The following COX7B2 variants were observed in gnomAD, a reference collection of about 807,000 sequenced individuals.
The protein encoded by COX7B2 is cytochrome c oxidase subunit 7B2, mitochondrial.
For missense variants in COX7B2, 109 were observed against 95.9 expected (o/e 1.14, Z -0.57); for synonymous variants, 37 against 32.1 (o/e 1.15, Z -0.51).
At chr4:46,761,769 T>C (rs1408059294) in intron 2 of COX7B2, among the ~76,000 whole-genome samples, 4 of 151,980 alleles carry the variant, frequency 2.6e-5, no homozygotes, top group Non-Finnish European at 4.4e-5. Flanking sequence ...GTACTAGGGA[T>C]TAAAAATCAA....
chr4:46,741,151 T>C (rs572035302), intron 2 of COX7B2, among the ~76,000 whole-genome samples: 1 of 152,224 alleles, frequency 6.6e-6, no homozygotes, highest in East Asian at 1.9e-4. Context: ...ATAGGCTTTT[T>C]ATGTAATTTC....
intron 2 of COX7B2, among the ~76,000 whole-genome samples, chr4:46,827,675 G>A (rs887111143): frequency 6.6e-6 from 1 of 152,146 alleles, no homozygotes; most frequent in Non-Finnish European, 1.5e-5. Context: ...CTGAAAAAAA[G>A]TGATTCCAAA....
chr4:46,747,479 T>C (rs1484019669), intron 2 of COX7B2, among the ~76,000 whole-genome samples: 1 of 151,792 alleles, frequency 6.6e-6, no homozygotes, highest in Non-Finnish European at 1.5e-5. Context: ...AATTTTTGTA[T>C]TTTTAATAGA....
At chr4:46,867,591 C>G (rs559144959) in intron 1 of COX7B2, among the ~76,000 whole-genome samples, 15 of 152,362 alleles carry the variant, frequency 9.8e-5, no homozygotes, top group Non-Finnish European at 1.9e-4. Context: ...AGCTAATGAA[C>G]AGCCCATACC....
chr4:46,755,390 A>T (rs928101113), intron 2 of COX7B2, among the ~76,000 whole-genome samples: 3 of 152,006 alleles, frequency 2.0e-5, no homozygotes, highest in Non-Finnish European at 2.9e-5. Context: ...ATTCCCTCTA[A>T]TCTAAGTTCT....
At chr4:46,844,034 T>C (rs115267725) in intron 2 of COX7B2, among the ~76,000 whole-genome samples, 567 of 152,130 alleles carry the variant, frequency 3.7e-3, no homozygotes, top group African/African-American at 0.013. Context: ...TTCTGGCTTG[T>C]AAGGAAATAT....
intron 2 of COX7B2, among the ~76,000 whole-genome samples, chr4:46,792,779 G>C (rs1274044978): frequency 6.6e-6 from 1 of 152,180 alleles, no homozygotes; most frequent in African/African-American, 2.4e-5. Context: ...TGACTGTAGA[G>C]TAAAAGAATT....
At chr4:46,737,151 G>A (rs774841686) in intron 2 of COX7B2, among the ~76,000 whole-genome samples, 2 of 152,010 alleles carry the variant, frequency 1.3e-5, no homozygotes, top group East Asian at 1.9e-4. Context: ...CATTCTAATC[G>A]GTAAATAGGT....
intron 2 of COX7B2, among the ~76,000 whole-genome samples, chr4:46,830,125 A>G (rs1222530479): frequency 2.0e-5 from 3 of 152,074 alleles, no homozygotes; most frequent in African/African-American, 7.2e-5. Flanking sequence ...GGAGTTCGAG[A>G]CCAGCCTGGC....
chr4:46,826,765 A>C (rs1220411841), intron 2 of COX7B2, among the ~76,000 whole-genome samples: 1 of 152,176 alleles, frequency 6.6e-6, no homozygotes, highest in Non-Finnish European at 1.5e-5. Context: ...TAGGAACAGA[A>C]AACCAAATAC....
At chr4:46,739,590 G>A (rs192995280) in intron 2 of COX7B2, among the ~76,000 whole-genome samples, 7 of 152,160 alleles carry the variant, frequency 4.6e-5, no homozygotes, top group East Asian at 3.9e-4. Flanking sequence ...TCACAGAGGA[G>A]GGGGCGTTTT....
At chr4:46,752,915 G>A (rs1218008354) in intron 2 of COX7B2, among the ~76,000 whole-genome samples, 3 of 152,128 alleles carry the variant, frequency 2.0e-5, no homozygotes, top group Non-Finnish European at 2.9e-5. Context: ...TTGGTATCAG[G>A]ATGATGCTGC....
intron 2 of COX7B2, among the ~76,000 whole-genome samples, chr4:46,742,019 T>C (rs1258173019): frequency 6.6e-6 from 1 of 152,182 alleles, no homozygotes; most frequent in Admixed American, 6.6e-5. Context: ...AGACCATTTA[T>C]TCTTTTAGGC....
At chr4:46,754,411 T>C (rs1455274774) in intron 2 of COX7B2, among the ~76,000 whole-genome samples, 2 of 150,368 alleles carry the variant, frequency 1.3e-5, no homozygotes, top group Non-Finnish European at 3.0e-5. Flanking sequence ...ATGTCCTTTG[T>C]AGGGACTTGG....
chr4:46,850,897 A>G (rs950070496), intron 1 of COX7B2, among the ~76,000 whole-genome samples: 1 of 152,104 alleles, frequency 6.6e-6, no homozygotes, highest in African/African-American at 2.4e-5. Context: ...CAAGGAATCC[A>G]TTAAGTTTGC....
chr4:46,808,233 T>A (rs889018718), intron 2 of COX7B2, among the ~76,000 whole-genome samples: 25 of 151,966 alleles, frequency 1.6e-4, no homozygotes, highest in African/African-American at 3.9e-4. Flanking sequence ...TGTAGTGATC[T>A]TTCACCTCCC....
chr4:46,837,804 C>T (rs1004547340), intron 2 of COX7B2, among the ~76,000 whole-genome samples: 1 of 151,952 alleles, frequency 6.6e-6, no homozygotes, highest in Non-Finnish European at 1.5e-5. Context: ...CTGCCTTATG[C>T]TGTTTGTTGC....
At chr4:46,751,667 A>ATACTGTAGTCCCAGC (rs1323737330) in intron 2 of COX7B2, among the ~76,000 whole-genome samples, 1 of 152,164 alleles carries the variant, frequency 6.6e-6, no homozygotes, top group African/African-American at 2.4e-5. Context: ...AAAAATGAGA[A>ATACTGTAGTCCCAGC]TACTAGGAAA....
rs1333586285 is a variant in COX7B2 at position 46,754,728 on chromosome 4, G to GTGTATATATATATATATATA, written c.-49-19488_-49-19487insTATATATATATATATATACA. Reference sequence around the variant, plus strand: ...TGTGTGTGTGTGTGTGTGTGTGTGTGTATATATATATATATATATATGAAA... The same window carrying GTGTATATATATATATATATA: ...TGTGTGTGTGTGTGTGTGTGTGTGTGTGTATATATATATATATATATATATATATATATATATATATGAAA... On this transcript the variant is annotated intron_variant, in intron 2 of 2. Coordinates refer to ENST00000355591, the MANE Select transcript of COX7B2 (RefSeq NM_130902.3). Among the ~76,000 whole-genome samples, 63 of 39,848 alleles carry GTGTATATATATATATATATA rather than the reference G, an allele frequency of 1.6e-3. 3 individuals are homozygous for GTGTATATATATATATATATA. The highest frequency in any genetic ancestry group is 3.9e-3 in the South Asian group (2 of 512). 26.1% of individuals were successfully genotyped at this position (39,848 alleles called of 152,430 possible).
Sources: allele counts gnomAD v4.1 joint callset (sites outside exome capture counted in the v4.1 genomes callset), GRCh38; gene constraint gnomAD v4.1.1; transcripts MANE v1.5; gene names NCBI Gene and HGNC (gene_info 2026-07-23, HGNC 2026-07-21).